Variants in STX2 observed in about 807,000 individuals in gnomAD.
STX2 encodes syntaxin-2.
STX2 carries 27 observed loss-of-function variants against 40.6 expected under a neutral mutation model. That is an observed-to-expected ratio of 0.66 (90% CI 0.49 to 0.92). The LOEUF (loss-of-function observed/expected upper bound fraction) is 0.92, where lower values mean the gene tolerates loss of function less well. Among genes scored for constraint, STX2 ranks in the 40% least tolerant of loss-of-function variants. STX2 has a pLI of 0.00. For missense variants in STX2, 328 were observed against 366.1 expected, an observed-to-expected ratio of 0.90 and a Z score of 0.85; for synonymous variants, 123 against 119.1, an observed-to-expected ratio of 1.03 and a Z score of -0.22.
chr12:130,821,086 A>T (rs1952094718), intron 3 of STX2, among the ~76,000 whole-genome samples: 1 of 152,222 alleles, frequency 6.6e-6, no homozygotes, highest in Non-Finnish European at 1.5e-5. Context: ...GCAAATTGAG[A>T]CAAAAATCCA....
chr12:130,839,004 G>C, intron 1 of STX2, 66 bp downstream of exon 1: 15 of 1,014,396 alleles, frequency 1.5e-5, no homozygotes, highest in South Asian at 2.5e-5. Flanking sequence ...GACGCCCCGA[G>C]CCCCCGCCCG....
In STX2 at chr12:130,815,080, A is replaced by T. The variant is rs73473040; in HGVS notation, c.206-2049T>A. On this transcript the variant is annotated intron_variant, in intron 3 of 10. Transcript: ENST00000392373. The stretch of plus-strand genomic sequence containing the variant: ...ACATGCCATCTCTATTTAAAAAAGG[A>T]AAGAAAAAGAAAAAACAAAGAAAAA... Among the ~76,000 whole-genome samples, 577 of 152,318 alleles carry T rather than the reference A, an allele frequency of 3.8e-3. 6 individuals carry two copies. The highest frequency in any genetic ancestry group is 0.013 in the African/African-American group (557 of 41,568).
chr12:130,792,393 T>C (rs1162087281), intron 10 of STX2, among the ~76,000 whole-genome samples: 1 of 152,156 alleles, frequency 6.6e-6, no homozygotes, highest in Non-Finnish European at 1.5e-5. Flanking sequence ...AACTCCAGGA[T>C]TGCTTTTAAT....
At chr12:130,792,153 C>T (rs1301230034) in intron 10 of STX2, among the ~76,000 whole-genome samples, 176 bp from the exon 11 acceptor site, 6 of 152,268 alleles carry the variant, frequency 3.9e-5, no homozygotes, top group South Asian at 2.1e-4. Flanking sequence ...CTCTGCCTTC[C>T]GGGTTCAAGT....
At position 130,791,835 on chromosome 12, in the gene STX2, G is replaced by A. The variant is rs1244135113; in HGVS notation, c.*188C>T. 6.0e-5 allele frequency: 82 copies of A among 1,371,030 alleles called. No individual in the cohort carries two copies. Among genetic ancestry groups the A allele is most frequent in the Non-Finnish European group, 8.3e-5 (80 of 964,166 alleles). The allele number at this position is 1,371,030 out of a possible 1,614,324, so 84.9% of individuals were successfully genotyped here. On this transcript the variant is annotated 3_prime_UTR_variant, in exon 11 of 11. Transcript: ENST00000392373. ...TCTGAGATTCATTCACGAAATGACA[G>A]GATGCTGATTTGGTTGCAGATGTGG...
At chr12:130,792,996 C>T (rs1293801461) in intron 10 of STX2, among the ~76,000 whole-genome samples, 1 of 152,200 alleles carries the variant, frequency 6.6e-6, no homozygotes, top group Non-Finnish European at 1.5e-5. Flanking sequence ...CAACAGGAGG[C>T]ACCGCGCTGT....
In STX2 at chr12:130,789,831, A is replaced by T. The variant is rs1237717507; in HGVS notation, c.*2192T>A. ...GCTTAGACATACACATCATTGGACA[A>T]GTGACTTAAATATCTAAATACAAAT... On this transcript the variant is annotated 3_prime_UTR_variant, in exon 11 of 11. Transcript: ENST00000392373. The T allele has an allele frequency of 1.3e-5, 2 of 152,586 alleles. No individual in the cohort carries two copies. Among genetic ancestry groups the T allele is most frequent in the Non-Finnish European group, 2.9e-5 (2 of 68,042 alleles). The allele number at this position is 152,586 out of a possible 1,614,324, so 9.5% of individuals were successfully genotyped here.
At chr12:130,834,864 T>C (rs1198644643) in intron 1 of STX2, among the ~76,000 whole-genome samples, 1 of 152,252 alleles carries the variant, frequency 6.6e-6, no homozygotes, top group Non-Finnish European at 1.5e-5. Flanking sequence ...AGTGAAGTTT[T>C]TTAATCTTCT....
At chr12:130,836,244 T>A (rs777050408) in intron 1 of STX2, among the ~76,000 whole-genome samples, 3 of 152,190 alleles carry the variant, frequency 2.0e-5, no homozygotes, top group African/African-American at 4.8e-5. Context: ...TTTAACTTAC[T>A]ATTTTATACT....
At chr12:130,807,151 T>C in intron 5 of STX2, 61 bp from the exon 6 acceptor site, 1 of 1,508,424 alleles carries the variant, frequency 6.6e-7, no homozygotes, top group Admixed American at 1.7e-5. Context: ...GAAAGTGACA[T>C]GCAAGACATG....
chr12:130,818,794 C>T (rs1951997449), intron 3 of STX2, among the ~76,000 whole-genome samples: 1 of 152,208 alleles, frequency 6.6e-6, no homozygotes, highest in Non-Finnish European at 1.5e-5. Context: ...CGCACCCGAA[C>T]ACAGGGTGCA....
intron 2 of STX2, among the ~76,000 whole-genome samples, chr12:130,824,205 C>T (rs953271447): frequency 1.3e-5 from 2 of 152,072 alleles, no homozygotes; most frequent in African/African-American, 2.4e-5. Context: ...GCCTGGCCAG[C>T]GTGGCAAAAT....
chr12:130,797,766 G>A (rs781051353), intron 9 of STX2, among the ~76,000 whole-genome samples: 2 of 152,218 alleles, frequency 1.3e-5, no homozygotes, highest in Non-Finnish European at 2.9e-5. Context: ...AGGGTTCCCT[G>A]AACCCTTTTT....
intron 4 of STX2, chr12:130,812,592 A>T: frequency 3.8e-6 from 1 of 259,940 alleles, no homozygotes; most frequent in South Asian, 4.0e-5. Flanking sequence ...CAAAGCTATA[A>T]GCCTCCCAAA....
intron 3 of STX2, among the ~76,000 whole-genome samples, chr12:130,818,185 A>AAAAAAATATATATAT: frequency 2.0e-4 from 14 of 70,536 alleles, no homozygotes; most frequent in Non-Finnish European, 2.7e-4. Context: ...AAAAAAAAAA[A>AAAAAAATATATATAT]ATATATATAT....
rs369020545 is a variant in STX2 at position 130,791,888 on chromosome 12, G to A, written c.*135C>T. The A allele has an allele frequency of 1.1e-5, 17 of 1,608,158 alleles. No individual in the cohort carries two copies. The African/African-American group carries it at 1.6e-4, about 15-fold the overall frequency. On this transcript the variant is annotated 3_prime_UTR_variant, in exon 11 of 11. Coordinates refer to ENST00000392373, the MANE Select transcript of STX2 (RefSeq NM_194356.4). ...TGAGTCTCAAGGATAAATGGCTCTT[G>A]GGATATGGTTGCTAGGACAATGTTG...
intron 1 of STX2, among the ~76,000 whole-genome samples, chr12:130,834,453 GGGA>G (rs1376702235): frequency 6.6e-6 from 1 of 152,164 alleles, no homozygotes; most frequent in African/African-American, 2.4e-5. Flanking sequence ...TGCAAGGGCA[GGGA>G]GGAGGGGCGT....
At chr12:130,832,826 G>A (rs544444880) in intron 1 of STX2, among the ~76,000 whole-genome samples, 5 of 152,172 alleles carry the variant, frequency 3.3e-5, no homozygotes, top group South Asian at 4.1e-4. Context: ...GCATGACTTC[G>A]TTCCCAACTC....
intron 3 of STX2, among the ~76,000 whole-genome samples, chr12:130,819,904 C>T (rs543578653): frequency 3.3e-5 from 5 of 152,288 alleles, no homozygotes; most frequent in East Asian, 1.9e-4. Flanking sequence ...CATGAGACGG[C>T]GGCTCCAGAA....
Sources: gnomAD v4.1 joint callset for allele counts (sites outside exome capture counted in the v4.1 genomes callset) on GRCh38, gnomAD v4.1.1 for gene constraint, MANE v1.5 for transcripts, NCBI Gene and HGNC (gene_info 2026-07-23, HGNC 2026-07-21) for gene names.